Variants in DAGLB observed in about 807,000 individuals in gnomAD.
DAGLB encodes diacylglycerol lipase beta, also known as diacylglycerol lipase-beta.
A neutral mutation model predicts 72.1 loss-of-function variants in DAGLB; 66 were observed. That is an observed-to-expected ratio of 0.92 (90% CI 0.75 to 1.12). The LOEUF (loss-of-function observed/expected upper bound fraction) is 1.12, where lower values mean the gene tolerates loss of function less well. DAGLB is among the 50% of genes most tolerant of loss of function. The probability of loss-of-function intolerance (pLI) is 0.00; values close to 1 mark genes in which losing one functional copy is unlikely to be tolerated. For missense variants in DAGLB, 1,065 were observed against 884.9 expected (o/e 1.20, Z -2.58); for synonymous variants, 414 against 359.5 (o/e 1.15, Z -1.71).
chr7:6,419,413 C>T (rs114212795), intron 9 of DAGLB, among the ~76,000 whole-genome samples: 1 of 152,168 alleles, frequency 6.6e-6, no homozygotes, highest in Non-Finnish European at 1.5e-5. Flanking sequence ...GCTGGGCAGG[C>T]AGAGCCCAGC....
At chr7:6,443,265 A>AG (rs1784893771) in intron 2 of DAGLB, among the ~76,000 whole-genome samples, 3 of 150,342 alleles carry the variant, frequency 2.0e-5, no homozygotes, top group African/African-American at 4.8e-5. Context: ...AAAAAAAAAA[A>AG]AAAAAAAAGA....
chr7:6,442,422 T>C (rs1212373432), intron 2 of DAGLB, among the ~76,000 whole-genome samples: 1 of 151,264 alleles, frequency 6.6e-6, no homozygotes, highest in African/African-American at 2.4e-5. Flanking sequence ...ACCAAAAATA[T>C]CTCAACACAA....
intron 7 of DAGLB, 137 bp downstream of exon 7, chr7:6,425,851 T>G: frequency 2.1e-6 from 3 of 1,417,794 alleles, no homozygotes; most frequent in Non-Finnish European, 2.8e-6. Flanking sequence ...GTGGCCCCTC[T>G]GAAATAGTAC....
rs184769416 is a variant in DAGLB at position 6,437,019 on chromosome 7, G to A, written c.248-486C>T. The stretch of plus-strand genomic sequence containing the variant: ...TAAAAAATTAGCGAGGCGTGGTGGC[G>A]GGCGTCTGTAATCCTAGCTACTTGC... On this transcript the variant is annotated intron_variant, in intron 2 of 14. Coordinates refer to ENST00000297056, the MANE Select transcript of DAGLB (RefSeq NM_139179.4). Among the ~76,000 whole-genome samples the A allele has an allele frequency of 1.4e-3, 219 of 151,708 alleles. 2 individuals carry two copies. In the Middle Eastern group the frequency reaches 0.017, roughly 12 times the overall value.
chr7:6,422,958 G>T (rs1163240111), intron 8 of DAGLB, among the ~76,000 whole-genome samples: 1 of 152,226 alleles, frequency 6.6e-6, no homozygotes, highest in Non-Finnish European at 1.5e-5. Context: ...GAGCAGGACG[G>T]TAAGATCCGA....
chr7:6,414,512 G>T (rs1207231961), intron 11 of DAGLB, among the ~76,000 whole-genome samples: 1 of 150,874 alleles, frequency 6.6e-6, no homozygotes, highest in Non-Finnish European at 1.5e-5. Context: ...TGTTGCCCAG[G>T]CTGGTCTCGA....
Position 6,413,195 on chromosome 7 carries a change from T to C in DAGLB, c.1428-161A>G, listed in dbSNP as rs543464621. On this transcript the variant is annotated intron_variant, in intron 11 of 14. Transcript: ENST00000297056. ...TAGGGGAAACGTCAGTTATGGCAAC[T>C]CACTGGCCAGATCCTACTAAAGCCA... Among the ~76,000 whole-genome samples, 6 of 152,286 alleles carry C rather than the reference T, an allele frequency of 3.9e-5. No homozygotes were observed. The East Asian group carries it at 1.2e-3, about 29-fold the overall frequency.
intron 2 of DAGLB, among the ~76,000 whole-genome samples, chr7:6,444,955 A>C (rs1414080130): frequency 2.0e-5 from 3 of 152,000 alleles, no homozygotes; most frequent in African/African-American, 7.2e-5. Context: ...CTACCACTTC[A>C]CATTCACTAG....
intron 2 of DAGLB, among the ~76,000 whole-genome samples, chr7:6,443,669 G>A (rs756228497): frequency 7.9e-5 from 12 of 151,880 alleles, no homozygotes; most frequent in African/African-American, 1.7e-4. Context: ...TCTTGATGCC[G>A]TCACTCACTG....
chr7:6,417,182 C>T (rs547049291), intron 9 of DAGLB: 818 of 409,940 alleles, frequency 2.0e-3, no homozygotes, highest in Non-Finnish European at 2.9e-3. Context: ...GACACTTGAG[C>T]CCAGGAGTTC....
rs993004431 is a variant in DAGLB at position 6,434,676 on chromosome 7, G to A, written c.678+86C>T. ...CCAAAGACACCAGGTTCTCAAACGC[G>A]GTTTTATGGGAACAGAGGGACCGGC... On this transcript the variant is annotated intron_variant, in intron 4 of 14. Coordinates refer to ENST00000297056, the MANE Select transcript of DAGLB (RefSeq NM_139179.4). 240 of 1,576,466 alleles carry A rather than the reference G, an allele frequency of 1.5e-4. 1 individual carries two copies. Among genetic ancestry groups the A allele is most frequent in the Non-Finnish European group, 2.0e-4 (231 of 1,159,202 alleles).
At chr7:6,417,242 A>C in intron 9 of DAGLB, 1 of 209,680 alleles carries the variant, frequency 4.8e-6, no homozygotes. Flanking sequence ...ATACAAGACC[A>C]GCCTGGATCC....
intron 1 of DAGLB, among the ~76,000 whole-genome samples, chr7:6,446,504 A>G (rs942289148): frequency 2.7e-5 from 4 of 147,582 alleles, no homozygotes; most frequent in Non-Finnish European, 4.5e-5. Flanking sequence ...AAAAAAAAAA[A>G]AAAAAAGAAA....
At position 6,430,549 on chromosome 7, in the gene DAGLB, G is replaced by A. The variant is rs574498107; in HGVS notation, c.860C>T (p.Ala287Val). 14 of 1,602,782 alleles carry A rather than the reference G, an allele frequency of 8.7e-6. No homozygotes were observed. The highest frequency in any genetic ancestry group is 4.5e-5 in the South Asian group (4 of 89,422). The change falls in exon 6 of 15, where the codon GCG becomes GTG. Residue 287 changes from alanine (A) to valine (V), a missense_variant. Transcript: ENST00000297056. The stretch of plus-strand genomic sequence containing the variant: ...GATGTAGAGGGGCCACCCATAGGCC[G>A]CTGCTGCAAACTGCATGTAATGATG... Reference protein sequence around the residue: ...NCHHYMQFAAAAYGWPLYIYR... With the variant: ...NCHHYMQFAAVAYGWPLYIYR...
chr7:6,432,711 G>T, intron 5 of DAGLB, 126 bp downstream of exon 5: 1 of 1,198,514 alleles, frequency 8.3e-7, no homozygotes, highest in Non-Finnish European at 1.1e-6. Context: ...AGGAGGGGGA[G>T]GGGAGGGAGG....
intron 2 of DAGLB, among the ~76,000 whole-genome samples, chr7:6,441,542 C>T (rs548000988): frequency 6.6e-6 from 1 of 151,398 alleles, no homozygotes; most frequent in Non-Finnish European, 1.5e-5. Context: ...CTCAGCCTCC[C>T]GAGTAGGTGT....
In DAGLB at chr7:6,424,748, T is replaced by C. The variant is rs1369844802; in HGVS notation, c.1140+4A>G. 6 of 1,613,370 alleles carry C rather than the reference T, an allele frequency of 3.7e-6. No homozygotes were observed. The highest frequency in any genetic ancestry group is 1.6e-4 in the Middle Eastern group (1 of 6,062). On this transcript the variant is annotated splice_donor_region_variant and intron_variant, in intron 8 of 14. Coordinates refer to ENST00000297056, the MANE Select transcript of DAGLB (RefSeq NM_139179.4). ...AGGGCTGGAAAGTCAGGTTCCAACG[T>C]TACCTGCAGAGACATGGTCCCCCTC...
chr7:6,412,720 G>T, intron 13 of DAGLB, 91 bp downstream of exon 13: 1 of 1,410,106 alleles, frequency 7.1e-7, no homozygotes, highest in Non-Finnish European at 9.8e-7. Context: ...AGAGTGCCCT[G>T]CACTGAGGGT....
intron 2 of DAGLB, 94 bp from the exon 3 acceptor site, chr7:6,436,627 T>G: frequency 6.5e-7 from 1 of 1,527,126 alleles, no homozygotes; most frequent in Non-Finnish European, 9.0e-7. Flanking sequence ...GAGCATACAT[T>G]TGTACTGTGC....
Sources: allele counts gnomAD v4.1 joint callset (sites outside exome capture counted in the v4.1 genomes callset), GRCh38; gene constraint gnomAD v4.1.1; transcripts MANE v1.5; gene names NCBI Gene and HGNC (gene_info 2026-07-23, HGNC 2026-07-21).